The following C4orf50 variants were observed in gnomAD, a reference collection of about 807,000 sequenced individuals.
The protein encoded by C4orf50 is chromosome 4 open reading frame 50.
C4orf50 carries 80 observed loss-of-function variants against 77.2 expected under a neutral mutation model. The observed-to-expected ratio is 1.04, with a 90% confidence interval of 0.87 to 1.25. C4orf50 has a LOEUF of 1.25. C4orf50 is among the 50% of genes most tolerant of loss of function. The probability of loss-of-function intolerance (pLI) is 0.00; values close to 1 mark genes in which losing one functional copy is unlikely to be tolerated. For missense variants in C4orf50, 1,257 were observed against 1,152.9 expected, an observed-to-expected ratio of 1.09 and a Z score of -1.31; for synonymous variants, 532 against 465.3, an observed-to-expected ratio of 1.14 and a Z score of -1.84.
chr4:6,001,915 G>A (rs1017448796), intron 25 of C4orf50, among the ~76,000 whole-genome samples: 1 of 152,250 alleles, frequency 6.6e-6, no homozygotes, highest in African/African-American at 2.4e-5. Context: ...AGCACTGACA[G>A]CCATGCATGT....
intron 29 of C4orf50, among the ~76,000 whole-genome samples, chr4:5,978,836 A>G (rs140773038): frequency 1.3e-5 from 2 of 152,372 alleles, no homozygotes; most frequent in South Asian, 2.1e-4. Context: ...CATCCACCCA[A>G]TAGATTACTA....
intron 31 of C4orf50, among the ~76,000 whole-genome samples, chr4:5,969,793 T>C (rs1468196608): frequency 6.6e-6 from 1 of 152,150 alleles, no homozygotes; most frequent in Non-Finnish European, 1.5e-5. Flanking sequence ...TGGGTCATTA[T>C]TTAGAATCAG....
exon 28 of C4orf50, chr4:5,989,600 G>T: frequency 6.5e-7 from 1 of 1,536,154 alleles, no homozygotes; most frequent in South Asian, 1.2e-5. Context: ...GTGGACAGCT[G>T]CTGGAAACAA....
At chr4:5,975,904 G>A in exon 30 of C4orf50, 1 of 1,610,500 alleles carries the variant, frequency 6.2e-7, no homozygotes, top group Admixed American at 1.7e-5. Context: ...ATTACCTTCA[G>A]GGGAGTCACT....
chr4:6,014,202 A>C (rs1722599040), intron 23 of C4orf50, among the ~76,000 whole-genome samples: 1 of 152,106 alleles, frequency 6.6e-6, no homozygotes, highest in African/African-American at 2.4e-5. Context: ...GGGTTTCTCC[A>C]TGTTGGTCAG....
intron 30 of C4orf50, among the ~76,000 whole-genome samples, chr4:5,974,099 G>A (rs1355448217): frequency 6.6e-6 from 1 of 152,200 alleles, no homozygotes; most frequent in Admixed American, 6.5e-5. Context: ...CAGGGGTCAA[G>A]AGCGTGGATT....
intron 26 of C4orf50, among the ~76,000 whole-genome samples, chr4:5,993,853 TAAATA>T (rs1170292302): frequency 5.9e-5 from 7 of 118,008 alleles, no homozygotes; most frequent in South Asian, 2.6e-4. Context: ...TAAATAAAAA[TAAATA>T]AAAAAAAAAA....
At position 5,905,298 on chromosome 4, in the gene C4orf50, A is replaced by C. The variant is rs1386867103; in HGVS notation, c.*2475-7110T>G. On this transcript the variant is annotated intron_variant, in intron 7 of 7. Transcript: ENST00000324058. The surrounding 1 kb of genome is among the most constrained non-coding windows in gnomAD (Gnocchi z 5.4). ...ATACAGAGTAGAAGTATTCCCTATT[A>C]GTGACTTGAGACAGGAAGATGGTTG... 1.3e-5 allele frequency: 2 copies of C among 152,222 alleles called. No individual in the cohort carries two copies. The highest frequency in any genetic ancestry group is 1.3e-4 in the Admixed American group (2 of 15,292). The allele number at this position is 152,222 out of a possible 1,614,324, so 9.4% of individuals were successfully genotyped here.
At chr4:6,014,442 T>C (rs901432596) in intron 23 of C4orf50, among the ~76,000 whole-genome samples, 20 of 152,230 alleles carry the variant, frequency 1.3e-4, no homozygotes, top group Admixed American at 1.2e-3. Context: ...AAAATGATAG[T>C]GTTATGAAGA....
At chr4:5,990,275 A>C (rs1297127095) in exon 28 of C4orf50, 1 of 1,210,668 alleles carries the variant, frequency 8.3e-7, no homozygotes, top group East Asian at 3.2e-5. Flanking sequence ...CCATTCTCCA[A>C]GCTCAGGTTC....
chr4:5,913,968 C>A (rs1466614488), intron 7 of C4orf50, among the ~76,000 whole-genome samples: 3 of 152,158 alleles, frequency 2.0e-5, no homozygotes, highest in African/African-American at 7.2e-5. Context: ...CATCTCATTA[C>A]CCCGGCAGCC....
intron 29 of C4orf50, among the ~76,000 whole-genome samples, chr4:5,979,953 C>CATTTTAAATATGTG (rs1720482016): frequency 6.6e-6 from 1 of 152,124 alleles, no homozygotes; most frequent in African/African-American, 2.4e-5. Flanking sequence ...TTTAAAGAAA[C>CATTTTAAATATGTG]CACATATGTG....
intron 7 of C4orf50, among the ~76,000 whole-genome samples, chr4:5,906,453 C>T (rs777172252): frequency 5.3e-5 from 8 of 152,108 alleles, no homozygotes; most frequent in African/African-American, 1.2e-4. Flanking sequence ...GCGTGAGTAG[C>T]GGAGAGAGTG....
intron 23 of C4orf50, among the ~76,000 whole-genome samples, chr4:6,014,294 G>C (rs775195375): frequency 5.3e-5 from 8 of 152,152 alleles, no homozygotes; most frequent in South Asian, 4.2e-4. Flanking sequence ...GAGCAACCGG[G>C]CCGGCCTAGT....
chr4:5,944,403 C>A (rs1463449977), intron 7 of C4orf50, among the ~76,000 whole-genome samples: 1 of 152,178 alleles, frequency 6.6e-6, no homozygotes, highest in Admixed American at 6.5e-5. Flanking sequence ...CTCCCACTAT[C>A]CTGTGCTCCC....
At chr4:5,981,831 C>T (rs1249771878) in intron 28 of C4orf50, among the ~76,000 whole-genome samples, 1 of 151,984 alleles carries the variant, frequency 6.6e-6, no homozygotes, top group Non-Finnish European at 1.5e-5. Context: ...AACTCCCTTC[C>T]CCTTGTGATG....
rs79598642 is a variant in C4orf50, at chr4:6,011,693, G to A, written c.426+137C>T. The A allele has an allele frequency of 7.1e-5, 28 of 397,086 alleles. No homozygotes were observed. Among genetic ancestry groups the A allele is most frequent in the Non-Finnish European group, 1.1e-4 (24 of 225,778 alleles). The allele number at this position is 397,086 out of a possible 1,614,324, so 24.6% of individuals were successfully genotyped here. Reference sequence around the variant, plus strand: ...CGCAGTCACGCCATGCACCATGAACGTAGGATCTCTCTAACCCTCCTGACT... The same window carrying A: ...CGCAGTCACGCCATGCACCATGAACATAGGATCTCTCTAACCCTCCTGACT... On this transcript the variant is annotated intron_variant, in intron 24 of 33. Coordinates refer to ENST00000531445, the Ensembl canonical transcript of C4orf50. This position sits in a 1 kb window ranked among gnomAD's most constrained non-coding sequence, Gnocchi z 4.2.
At chr4:5,959,212 C>T in exon 34 of C4orf50, 1 of 826,506 alleles carries the variant, frequency 1.2e-6, no homozygotes. Flanking sequence ...CAGCGTTTCT[C>T]TCAAGCTCTG....
intron 30 of C4orf50, 45 bp from the exon 9 acceptor site, chr4:5,973,886 G>C (rs1296430247): frequency 1.4e-6 from 2 of 1,478,314 alleles, no homozygotes; most frequent in Non-Finnish European, 1.8e-6. Context: ...CACCAGGGCT[G>C]CATGGCTGAG....
Sources: allele counts gnomAD v4.1 joint callset (sites outside exome capture counted in the v4.1 genomes callset), GRCh38; gene constraint gnomAD v4.1.1; non-coding constraint Gnocchi (gnomAD v3.1); transcripts MANE v1.5; gene names NCBI Gene and HGNC (gene_info 2026-07-23, HGNC 2026-07-21).